ARHGEF2: variants seen among roughly 807,000 people sequenced by gnomAD.
ARHGEF2 encodes the protein Rho/Rac guanine nucleotide exchange factor 2, also known as rho guanine nucleotide exchange factor 2.
In ARHGEF2, 22 loss-of-function variants were observed where a neutral mutation model predicts 121.0. The observed-to-expected ratio is 0.18, with a 90% CI of 0.13 to 0.26. ARHGEF2 has a LOEUF of 0.26. ARHGEF2 is among the 10% of genes least tolerant of loss of function. The probability of loss-of-function intolerance (pLI) is 1.00; values close to 1 mark genes in which losing one functional copy is unlikely to be tolerated. For synonymous variants in ARHGEF2, 487 were observed against 530.0 expected (o/e 0.92, Z 1.11); for missense variants, 907 against 1,336.0 (o/e 0.68, Z 5.01).
At chr1:155,973,544 G>A (rs910583731) in intron 1 of ARHGEF2, among the ~76,000 whole-genome samples, 4 of 152,116 alleles carry the variant, frequency 2.6e-5, no homozygotes, top group African/African-American at 7.2e-5. Flanking sequence ...TCAGGAGTTT[G>A]AGACCAGCCT....
chr1:155,964,160 AAAAAAAAATATATATATATATAT>A (rs1347321075), intron 7 of ARHGEF2, among the ~76,000 whole-genome samples: 4 of 95,112 alleles, frequency 4.2e-5, no homozygotes, highest in African/African-American at 2.1e-4. Flanking sequence ...AAAAAAAAAA[AAAAAAAAATATATATATATATAT>A]ATATATATAT....
Position 155,947,474 on chromosome 1 carries a change from C to A in ARHGEF2, c.*468G>T, listed in dbSNP as rs1181366647. 3 of 452,604 alleles carry A rather than the reference C, an allele frequency of 6.6e-6. No homozygotes were observed. The highest frequency in any genetic ancestry group is 1.3e-5 in the Non-Finnish European group (3 of 225,000). The allele number at this position is 452,604 out of a possible 1,614,324, so 28.0% of individuals were successfully genotyped here. ...CCACAGCCCTCCTTTATTTAAAGGG[C>A]AGTAGGGTGCTGTGGCTGCAGCCTC... On this transcript the variant is annotated 3_prime_UTR_variant, in exon 22 of 22. Transcript: ENST00000361247.
intron 1 of ARHGEF2, among the ~76,000 whole-genome samples, chr1:155,971,832 G>A (rs1680525576): frequency 1.3e-5 from 2 of 151,420 alleles, no homozygotes; most frequent in Non-Finnish European, 2.9e-5. Flanking sequence ...AGGATCGCTT[G>A]AGGCCAGGAG....
chr1:155,965,449 C>T lies in ARHGEF2; in HGVS notation c.471-37G>A, dbSNP rs144140414. ...GGAGGCTGTCTGCATCACCCCCAGT[C>T]GGGCAAAAGATCCCTTCCCAGGTAG... is the stretch of plus-strand genomic sequence containing the variant. On this transcript the variant is annotated intron_variant, in intron 5 of 21. Transcript: ENST00000361247. This position sits in a 1 kb window ranked among gnomAD's most constrained non-coding sequence, Gnocchi z 6.0. The T allele has an allele frequency of 1.8e-4, 285 of 1,606,346 alleles. 2 individuals are homozygous for T. The East Asian group carries it at 4.2e-3, about 24-fold the overall frequency.
chr1:155,979,321 C>T (rs1681905100), upstream of ARHGEF2: 1 of 985,372 alleles, frequency 1.0e-6, no homozygotes, highest in South Asian at 4.7e-5. Flanking sequence ...CAAGTTAAGC[C>T]GGAACTGAAA....
At chr1:155,952,860 G>A in intron 14 of ARHGEF2, 32 bp from the exon 15 acceptor site, 1 of 1,610,658 alleles carries the variant, frequency 6.2e-7, no homozygotes, top group African/African-American at 1.3e-5. Flanking sequence ...GGACATGAGA[G>A]GACGTAGGGG....
Position 155,947,564 on chromosome 1 carries a change from G to T in ARHGEF2, c.*378C>A, listed in dbSNP as rs1334532248. ...AAGAACCCAGCAGCTGCGTGGATGA[G>T]CCTGAATATACCCCAGTAGTGTTCA... On this transcript the variant is annotated 3_prime_UTR_variant, in exon 22 of 22. Transcript: ENST00000361247. The T allele has an allele frequency of 5.1e-6, 2 of 396,010 alleles. No individual in the cohort carries two copies. Among genetic ancestry groups the T allele is most frequent in the South Asian group, 3.8e-5 (2 of 52,514 alleles). The allele number at this position is 396,010 out of a possible 1,614,324, so 24.5% of individuals were successfully genotyped here.
chr1:155,978,449 A>G lies in ARHGEF2; in HGVS notation c.-22T>C. 1.4e-6 allele frequency: 2 copies of G among 1,464,414 alleles called. No homozygotes were observed. Among genetic ancestry groups the G allele is most frequent in the Non-Finnish European group, 1.8e-6 (2 of 1,092,012 alleles). The allele number at this position is 1,464,414 out of a possible 1,614,324, so 90.7% of individuals were successfully genotyped here. ...ACATAATCGGACGGGGGGACCAGGG[A>G]GGACGCGGCGCGGACCCCGGCGTCC... is the stretch of plus-strand genomic sequence containing the variant. On this transcript the variant is annotated 5_prime_UTR_variant, in exon 1 of 22. Coordinates refer to ENST00000361247, the MANE Select transcript of ARHGEF2 (RefSeq NM_001162383.2). The surrounding 1 kb of genome is among the most constrained non-coding windows in gnomAD (Gnocchi z 4.1).
chr1:155,951,798 G>A lies in ARHGEF2; in HGVS notation c.2173-22C>T, dbSNP rs1259361020. On this transcript the variant is annotated intron_variant, in intron 17 of 21. Transcript: ENST00000361247. The surrounding 1 kb of genome is among the most constrained non-coding windows in gnomAD (Gnocchi z 5.1). ...GATCCTGCAGAAATGGGCAAGAATG[G>A]GGAGTCAGCAGGCACACAAATCCTG... is the stretch of plus-strand genomic sequence containing the variant. 1 of 1,613,550 alleles carries A rather than the reference G, an allele frequency of 6.2e-7. No homozygotes were observed. Among genetic ancestry groups the A allele is most frequent in the East Asian group, 2.2e-5 (1 of 44,880 alleles).
intron 1 of ARHGEF2, chr1:155,972,432 T>C (rs1048777282): frequency 7.8e-6 from 3 of 385,590 alleles, no homozygotes; most frequent in African/African-American, 6.2e-5. Context: ...TGGAAGGACA[T>C]AGGGCCTGCT....
Position 155,954,966 on chromosome 1 carries a change from G to A in ARHGEF2, c.1719C>T (p.Cys573=), listed in dbSNP as rs776829645. The stretch of plus-strand genomic sequence containing the variant: ...TCAGGGGGAAGTCCTCCCTGGATGG[G>A]CATCTGGAGGGGTAACAGGTCGCAT... ...IRVIQQSVRT[C]PSREDFPLIE... is the part of the protein sequence containing the mutation. Residue 573 remains cysteine (C), a synonymous_variant, in exon 14 of 22, where the codon TGC becomes TGT. Transcript: ENST00000361247. 1 of 1,611,100 alleles carries A rather than the reference G, an allele frequency of 6.2e-7. No individual in the cohort carries two copies. Among genetic ancestry groups the A allele is most frequent in the Non-Finnish European group, 8.5e-7 (1 of 1,178,618 alleles).
In ARHGEF2 at chr1:155,966,904, G is replaced by A. The variant is rs112257132; in HGVS notation, c.209-17C>T. The A allele has an allele frequency of 3.1e-6, 5 of 1,613,014 alleles. No individual in the cohort carries two copies. The South Asian group carries it at 3.3e-5, about 11-fold the overall frequency. Reference sequence around the variant, plus strand: ...CATTGCAGGCTGGGAGGGTGGGGTAGAGAGGGTGAAGGGAGGGCCGGGTGG... The same window carrying A: ...CATTGCAGGCTGGGAGGGTGGGGTAAAGAGGGTGAAGGGAGGGCCGGGTGG... On this transcript the variant is annotated splice_polypyrimidine_tract_variant and intron_variant, in intron 2 of 21. Coordinates refer to ENST00000361247, the MANE Select transcript of ARHGEF2 (RefSeq NM_001162383.2).
intron 2 of ARHGEF2, chr1:155,968,903 C>T (rs1463490001): frequency 8.6e-6 from 4 of 464,632 alleles, no homozygotes; most frequent in African/African-American, 2.0e-5. Context: ...TGGATGACAG[C>T]TGCAAGAGGA....
chr1:155,962,838 C>G lies in ARHGEF2; in HGVS notation c.975+95G>C. On this transcript the variant is annotated intron_variant, in intron 8 of 21. Coordinates refer to ENST00000361247, the MANE Select transcript of ARHGEF2 (RefSeq NM_001162383.2). This position sits in a 1 kb window ranked among gnomAD's most constrained non-coding sequence, Gnocchi z 5.8. ...TTCCTGTTTCTCCAGCTCTCCCTGG[C>G]TCCCCTCCAACCCCTAGAATTTGGA... is the stretch of plus-strand genomic sequence containing the variant. 1 of 1,597,530 alleles carries G rather than the reference C, an allele frequency of 6.3e-7. No homozygotes were observed.
chr1:155,975,014 A>T (rs1488845299), intron 1 of ARHGEF2, among the ~76,000 whole-genome samples: 3 of 150,040 alleles, frequency 2.0e-5, no homozygotes, highest in Admixed American at 2.0e-4. Context: ...ACATAAACAA[A>T]CCCGGAAGGG....
intron 11 of ARHGEF2, among the ~76,000 whole-genome samples, chr1:155,958,914 G>C (rs533889938): frequency 8.1e-6 from 1 of 123,646 alleles, no homozygotes; most frequent in Non-Finnish European, 1.7e-5. Context: ...TGTGGGTGGG[G>C]GGTGGGGGGC....
intron 14 of ARHGEF2, among the ~76,000 whole-genome samples, chr1:155,954,282 C>CCT (rs1553238288): frequency 9.2e-6 from 1 of 108,508 alleles, no homozygotes; most frequent in Non-Finnish European, 1.8e-5. Context: ...CAATCTACTT[C>CCT]TTTTTTTTTT....
chr1:155,948,046 T>C (rs761040768), intron 21 of ARHGEF2, 31 bp from the exon 22 acceptor site: 3 of 1,529,664 alleles, frequency 2.0e-6, no homozygotes, highest in Non-Finnish European at 2.7e-6. Flanking sequence ...GCCAGTGAGT[T>C]AGCAGAGACT....
At chr1:155,974,413 G>A (rs1482637140) in intron 1 of ARHGEF2, among the ~76,000 whole-genome samples, 1 of 152,194 alleles carries the variant, frequency 6.6e-6, no homozygotes, top group Non-Finnish European at 1.5e-5. Flanking sequence ...CAGAGGCGCC[G>A]TTGGCTATGA....
Sources: allele counts gnomAD v4.1 joint callset (sites outside exome capture counted in the v4.1 genomes callset), GRCh38; gene constraint gnomAD v4.1.1; non-coding constraint Gnocchi (gnomAD v3.1); transcripts MANE v1.5; gene names NCBI Gene and HGNC (gene_info 2026-07-23, HGNC 2026-07-21).